Variants in ZNF782 observed in about 807,000 individuals in gnomAD.
ZNF782 encodes the protein zinc finger protein 782.
Under a neutral mutation model 13.0 loss-of-function variants are expected in ZNF782, and 12 were observed. The observed-to-expected ratio is 0.92, with a 90% CI of 0.59 to 1.50. ZNF782 has a LOEUF of 1.50. Ranked by LOEUF, ZNF782 falls within the 40% of genes most tolerant of loss-of-function variation. ZNF782 has a pLI of 0.00. For synonymous variants in ZNF782, 284 were observed against 283.0 expected (o/e 1.00, Z -0.04); for missense variants, 770 against 822.9 (o/e 0.94, Z 0.79).
chr9:96,852,564 T>C (rs1851527871), intron 2 of ZNF782, among the ~76,000 whole-genome samples: 1 of 152,182 alleles, frequency 6.6e-6, no homozygotes, highest in Non-Finnish European at 1.5e-5. Context: ...GGAGGATCAC[T>C]TGAGCCCAGG....
chr9:96,884,846 C>G, the ZNF782 span, among the ~76,000 whole-genome samples: 1 of 152,020 alleles, frequency 6.6e-6, no homozygotes, highest in Non-Finnish European at 1.5e-5. Flanking sequence ...TTCATGGTCT[C>G]ATAATATAGA....
chr9:96,918,040 C>G, the ZNF782 span, among the ~76,000 whole-genome samples: 1 of 150,942 alleles, frequency 6.6e-6, no homozygotes, highest in Admixed American at 6.6e-5. Flanking sequence ...CCACACCCAG[C>G]CTTTTGGTAG....
the ZNF782 span, among the ~76,000 whole-genome samples, chr9:96,933,257 C>T: frequency 2.6e-5 from 4 of 151,854 alleles, no homozygotes; most frequent in African/African-American, 4.8e-5. Flanking sequence ...CGATTGCAGG[C>T]ATGACCCACC....
the ZNF782 span, chr9:96,928,889 GT>G: frequency 7.2e-6 from 7 of 968,772 alleles, no homozygotes; most frequent in Non-Finnish European, 1.1e-5. Context: ...TTCCAAACCT[GT>G]TTATATGCAA....
chr9:96,849,595 C>T (rs758620913), intron 3 of ZNF782, among the ~76,000 whole-genome samples: 37 of 152,338 alleles, frequency 2.4e-4, no homozygotes, highest in Admixed American at 1.4e-3. Context: ...CTCTTCTAGA[C>T]ATCAGCCTAG....
chr9:96,868,610 G>C (rs1417052097), intron 1 of ZNF782, among the ~76,000 whole-genome samples: 1 of 152,156 alleles, frequency 6.6e-6, no homozygotes, highest in Non-Finnish European at 1.5e-5. Context: ...ATTCAACTAT[G>C]CCTTTGAAAA....
upstream of ZNF782, among the ~76,000 whole-genome samples, chr9:96,855,269 C>G (rs886097947): frequency 2.0e-5 from 3 of 152,020 alleles, no homozygotes; most frequent in Non-Finnish European, 2.9e-5. Flanking sequence ...TTTTTATTTC[C>G]GTAGGTTATT....
At chr9:96,906,842 C>T in the ZNF782 span, among the ~76,000 whole-genome samples, 1 of 152,294 alleles carries the variant, frequency 6.6e-6, no homozygotes, top group African/African-American at 2.4e-5. Flanking sequence ...CCAAAAGTCC[C>T]AACCGTCTAA....
chr9:96,852,360 G>C (rs1206974655), intron 2 of ZNF782, among the ~76,000 whole-genome samples: 1 of 152,190 alleles, frequency 6.6e-6, no homozygotes, highest in African/African-American at 2.4e-5. Context: ...AATTAACCTA[G>C]CAGGTACTGT....
Position 96,819,734 on chromosome 9 carries a change from G to C in ZNF782, c.289C>G (p.Gln97Glu), listed in dbSNP as rs1486903433. ...AAAACTTGCAACAAATGTTTGCCTT[G>C]ATTTTCTGGGCTCTTCTCTGAGATT... ...DEISEKSPEN[Q>E]GKHLLQVLFT... The change falls in exon 6 of 6, where the codon CAA becomes GAA. Residue 97 changes from glutamine to glutamate, a missense_variant. Coordinates refer to ENST00000481138, the MANE Select transcript of ZNF782 (RefSeq NM_001001662.3). 5.0e-6 allele frequency: 8 copies of C among 1,610,106 alleles called. No homozygotes were observed. Among genetic ancestry groups the C allele is most frequent in the Non-Finnish European group, 6.8e-6 (8 of 1,178,718 alleles).
chr9:96,925,893 G>C, the ZNF782 span, among the ~76,000 whole-genome samples: 13 of 146,994 alleles, frequency 8.8e-5, no homozygotes, highest in African/African-American at 3.4e-4. Flanking sequence ...TCTGTCCTCT[G>C]AACAGGGGAT....
At chr9:96,879,519 AG>A (rs1377424882), upstream of ZNF782, among the ~76,000 whole-genome samples, 68 of 152,192 alleles carry the variant, frequency 4.5e-4, no homozygotes, top group Non-Finnish European at 1.3e-4. Flanking sequence ...AAACAAAAAA[AG>A]AAACAATGGG....
At chr9:96,902,864 A>C in the ZNF782 span, 2 of 150,616 alleles carry the variant, frequency 1.3e-5, no homozygotes, top group African/African-American at 4.9e-5. Context: ...GTACACTGGC[A>C]TGATCACAGC....
chr9:96,911,438 CAAAAAAAAAA>C, the ZNF782 span, among the ~76,000 whole-genome samples: 2 of 28,232 alleles, frequency 7.1e-5, no homozygotes, highest in African/African-American at 1.5e-4. Context: ...GACTCTGTCT[CAAAAAAAAAA>C]AAAAAAAAAA....
the ZNF782 span, among the ~76,000 whole-genome samples, chr9:96,911,104 A>G: frequency 2.0e-5 from 3 of 147,360 alleles, no homozygotes; most frequent in Admixed American, 2.1e-4. Flanking sequence ...TTGTGGTGTG[A>G]CCATGTTCAT....
chr9:96,931,926 G>C, the ZNF782 span: 2 of 1,612,080 alleles, frequency 1.2e-6, no homozygotes, highest in South Asian at 2.2e-5. Flanking sequence ...CGCGGCCCAA[G>C]TGGGGCTGGG....
chr9:96,819,784 A>C lies in ZNF782; in HGVS notation c.245-6T>G, dbSNP rs1850346139. Reference sequence around the variant, plus strand: ...TTCATCAGGTTGGGAGTCTTCTAAAAATGATAAAATTAAACAAACTTTATG... The same window carrying C: ...TTCATCAGGTTGGGAGTCTTCTAAACATGATAAAATTAAACAAACTTTATG... On this transcript the variant is annotated splice_region_variant and splice_polypyrimidine_tract_variant and intron_variant, in intron 5 of 5. Coordinates refer to ENST00000481138, the MANE Select transcript of ZNF782 (RefSeq NM_001001662.3). The C allele has an allele frequency of 1.9e-6, 3 of 1,549,214 alleles. No individual in the cohort carries two copies. Among genetic ancestry groups the C allele is most frequent in the Non-Finnish European group, 2.6e-6 (3 of 1,155,474 alleles).
chr9:96,846,409 A>T (rs558831481), intron 3 of ZNF782, among the ~76,000 whole-genome samples: 10 of 152,292 alleles, frequency 6.6e-5, no homozygotes, highest in African/African-American at 2.2e-4. Flanking sequence ...AACAGATTTT[A>T]AAAAAATCAC....
chr9:96,900,158 G>A, the ZNF782 span, among the ~76,000 whole-genome samples: 1 of 151,282 alleles, frequency 6.6e-6, no homozygotes, highest in Admixed American at 6.6e-5. Flanking sequence ...TGAGATATTG[G>A]TTAAGCTCAC....
Sources: allele counts gnomAD v4.1 joint callset (sites outside exome capture counted in the v4.1 genomes callset), GRCh38; gene constraint gnomAD v4.1.1; transcripts MANE v1.5; gene names NCBI Gene and HGNC (gene_info 2026-07-23, HGNC 2026-07-21).